KCNB2: variants seen among roughly 807,000 people sequenced by gnomAD.
The protein encoded by KCNB2 is potassium voltage-gated channel subfamily B member 2.
A neutral mutation model predicts 61.5 loss-of-function variants in KCNB2; 15 were observed. That is an observed-to-expected ratio of 0.24 (90% CI 0.16 to 0.38). The LOEUF (loss-of-function observed/expected upper bound fraction) is 0.38, where lower values mean the gene tolerates loss of function less well. KCNB2 is among the 10% of genes least tolerant of loss of function. KCNB2 has a pLI of 1.00. For missense variants in KCNB2, 828 were observed against 1,125.2 expected, an observed-to-expected ratio of 0.74 and a Z score of 3.78; for synonymous variants, 457 against 446.0, an observed-to-expected ratio of 1.02 and a Z score of -0.31.
At chr8:72,831,750 G>T (rs1473647188) in intron 2 of KCNB2, among the ~76,000 whole-genome samples, 1 of 152,220 alleles carries the variant, frequency 6.6e-6, no homozygotes, top group Non-Finnish European at 1.5e-5. Flanking sequence ...CCATAACAAA[G>T]ATATGAAATT....
At chr8:72,580,474 A>G (rs940828439) in intron 2 of KCNB2, among the ~76,000 whole-genome samples, 1 of 152,182 alleles carries the variant, frequency 6.6e-6, no homozygotes, top group Non-Finnish European at 1.5e-5. Context: ...ACTTCTTGAT[A>G]TTCACTGAAG....
chr8:72,749,999 A>G (rs1433924169), intron 2 of KCNB2, among the ~76,000 whole-genome samples: 1 of 151,650 alleles, frequency 6.6e-6, no homozygotes, highest in African/African-American at 2.4e-5. Context: ...GAGGTCCACT[A>G]GAGTGAATTT....
chr8:72,835,529 C>T (rs1440367), intron 2 of KCNB2, among the ~76,000 whole-genome samples: 22,375 of 152,102 alleles, frequency 0.15, 2,610 homozygotes, highest in East Asian at 0.51. Flanking sequence ...CTGAGAGCTA[C>T]GGGAACTGGA....
At chr8:72,794,101 G>A (rs993940957) in intron 2 of KCNB2, among the ~76,000 whole-genome samples, 3 of 152,192 alleles carry the variant, frequency 2.0e-5, no homozygotes, top group Non-Finnish European at 4.4e-5. Flanking sequence ...CAGAAATGAG[G>A]AAAGCGGTTA....
At chr8:72,812,775 A>ATTAT (rs1185435659) in intron 2 of KCNB2, among the ~76,000 whole-genome samples, 1 of 152,154 alleles carries the variant, frequency 6.6e-6, no homozygotes, top group Non-Finnish European at 1.5e-5. Flanking sequence ...GTGTGTTGCT[A>ATTAT]GATCTTGGTA....
intron 2 of KCNB2, among the ~76,000 whole-genome samples, chr8:72,672,537 G>A (rs962256541): frequency 3.3e-5 from 5 of 152,088 alleles, no homozygotes; most frequent in African/African-American, 7.2e-5. Flanking sequence ...AAATTAAGAT[G>A]TATTTTTATC....
intron 2 of KCNB2, among the ~76,000 whole-genome samples, chr8:72,871,674 T>C (rs1274347440): frequency 6.6e-6 from 1 of 152,222 alleles, no homozygotes; most frequent in African/African-American, 2.4e-5. Context: ...TGAATCATTC[T>C]TAATTCTCTT....
chr8:72,654,982 A>G (rs765594433), intron 2 of KCNB2, among the ~76,000 whole-genome samples: 3 of 152,164 alleles, frequency 2.0e-5, no homozygotes, highest in Non-Finnish European at 4.4e-5. Flanking sequence ...TTCTTCCATA[A>G]AGACACTTGC....
chr8:72,934,860 A>T, intron 2 of KCNB2, among the ~76,000 whole-genome samples: 1 of 151,778 alleles, frequency 6.6e-6, no homozygotes. Flanking sequence ...TGCTTGCCCC[A>T]TAAATCTAGA....
intron 2 of KCNB2, among the ~76,000 whole-genome samples, chr8:72,929,498 C>A (rs561868346): frequency 1.3e-5 from 2 of 152,240 alleles, no homozygotes; most frequent in South Asian, 4.2e-4. Flanking sequence ...CTAGAACATA[C>A]GCAGCGCAAT....
intron 2 of KCNB2, among the ~76,000 whole-genome samples, chr8:72,773,146 G>C (rs1295252690): frequency 2.0e-5 from 3 of 152,040 alleles, no homozygotes; most frequent in Non-Finnish European, 4.4e-5. Context: ...ATCTTTCTTG[G>C]CCCGGTCATG....
intron 2 of KCNB2, among the ~76,000 whole-genome samples, chr8:72,903,186 G>T (rs1806116261): frequency 6.6e-6 from 1 of 152,186 alleles, no homozygotes; most frequent in Non-Finnish European, 1.5e-5. Flanking sequence ...CTGAAACAAA[G>T]ATGTGAGGAC....
At chr8:72,616,403 T>C (rs1005174216) in intron 2 of KCNB2, among the ~76,000 whole-genome samples, 2 of 152,174 alleles carry the variant, frequency 1.3e-5, no homozygotes, top group Admixed American at 6.5e-5. Context: ...CTTACCAGGC[T>C]TTTTTTATTC....
At chr8:72,895,694 G>T (rs1805978470) in intron 2 of KCNB2, among the ~76,000 whole-genome samples, 1 of 152,166 alleles carries the variant, frequency 6.6e-6, no homozygotes, top group Admixed American at 6.6e-5. Flanking sequence ...TAAAGTCACA[G>T]GCTCAGGGTT....
chr8:72,713,769 G>A (rs1399746897), intron 2 of KCNB2, among the ~76,000 whole-genome samples: 1 of 152,144 alleles, frequency 6.6e-6, no homozygotes, highest in African/African-American at 2.4e-5. Flanking sequence ...TCCTCCAAAG[G>A]AACGCAGCTC....
intron 2 of KCNB2, among the ~76,000 whole-genome samples, chr8:72,671,199 A>G (rs1301178932): frequency 2.6e-5 from 4 of 152,210 alleles, no homozygotes; most frequent in Admixed American, 2.6e-4. Flanking sequence ...ATTTTGTACC[A>G]TAATGTCTTG....
At chr8:72,701,973 A>T (rs537879998) in intron 2 of KCNB2, among the ~76,000 whole-genome samples, 1 of 152,222 alleles carries the variant, frequency 6.6e-6, no homozygotes, top group Non-Finnish European at 1.5e-5. Flanking sequence ...TTGAAAGATT[A>T]AGATTACAGG....
chr8:72,666,239 T>G (rs1806469953), intron 2 of KCNB2, among the ~76,000 whole-genome samples: 2 of 152,240 alleles, frequency 1.3e-5, no homozygotes, highest in Admixed American at 6.5e-5. Flanking sequence ...TAGGCGTTAT[T>G]TTCTCTTCAG....
chr8:72,554,550 G>T (rs552574263), intron 1 of KCNB2, among the ~76,000 whole-genome samples: 3 of 151,916 alleles, frequency 2.0e-5, no homozygotes, highest in Non-Finnish European at 4.4e-5. Flanking sequence ...GGTGCTCTGC[G>T]GTAGCAAAGT....
Sources: allele counts gnomAD v4.1 joint callset (sites outside exome capture counted in the v4.1 genomes callset), GRCh38; gene constraint gnomAD v4.1.1; transcripts MANE v1.5; gene names NCBI Gene and HGNC (gene_info 2026-07-23, HGNC 2026-07-21).